SDK2: variants seen among roughly 807,000 people sequenced by gnomAD.
SDK2 encodes sidekick cell adhesion molecule 2.
In SDK2, 105 loss-of-function variants were observed where a neutral mutation model predicts 253.9. That is an observed-to-expected ratio of 0.41 (90% confidence interval 0.35 to 0.49). The LOEUF is 0.49. Among genes scored for constraint, SDK2 ranks in the 20% least tolerant of loss-of-function variants. The pLI is 0.06. For synonymous variants in SDK2, 1,249 were observed against 1,234.9 expected, an observed-to-expected ratio of 1.01 and a Z score of -0.24; for missense variants, 2,608 against 3,003.0, an observed-to-expected ratio of 0.87 and a Z score of 3.07.
intron 38 of SDK2, among the ~76,000 whole-genome samples, chr17:73,363,329 C>G (rs868372798): frequency 6.6e-6 from 1 of 152,208 alleles, no homozygotes; most frequent in Non-Finnish European, 1.5e-5. Context: ...CTCGGCCTCC[C>G]GAAGTGCTGG....
chr17:73,512,636 A>C (rs1459620120), intron 1 of SDK2, among the ~76,000 whole-genome samples: 1 of 152,198 alleles, frequency 6.6e-6, no homozygotes, highest in Non-Finnish European at 1.5e-5. Flanking sequence ...TCAAAACAAC[A>C]ACCATGAAAG....
intron 38 of SDK2, among the ~76,000 whole-genome samples, chr17:73,364,690 C>T (rs565025136): frequency 7.8e-4 from 119 of 152,230 alleles, no homozygotes; most frequent in Admixed American, 2.0e-3. Flanking sequence ...GGCGTGATCC[C>T]GGCTTACTGC....
intron 1 of SDK2, among the ~76,000 whole-genome samples, chr17:73,587,970 T>C (rs1419030208): frequency 6.6e-6 from 1 of 152,076 alleles, no homozygotes; most frequent in Non-Finnish European, 1.5e-5. Context: ...CACTTCACCA[T>C]CTCTAAAGCC....
At chr17:73,456,074 GT>G in intron 3 of SDK2, 21 bp from the exon 4 acceptor site, 1 of 1,465,528 alleles carries the variant, frequency 6.8e-7, no homozygotes, top group Non-Finnish European at 9.1e-7. Context: ...GACAACGGCA[GT>G]AGGATCAGGG....
chr17:73,447,739 C>T lies in SDK2; in HGVS notation c.489G>A (p.Thr163=), dbSNP rs370770032. 69 of 1,551,660 alleles carry T rather than the reference C, an allele frequency of 4.4e-5. No individual in the cohort carries two copies. Among genetic ancestry groups the T allele is most frequent in the South Asian group, 2.4e-4 (20 of 84,048 alleles). ...ACAGGATGACAAGGGTGTTCTCCAG[C>T]GTGATGGCTCTGGGAAGAGGAAAAG... is the stretch of plus-strand genomic sequence containing the variant. ...KIPPSSRIAI[T]LENTLVILST... is the part of the protein sequence containing the mutation. The change falls in exon 5 of 45, where the codon ACG becomes ACA. Residue 163 remains threonine (T), a synonymous_variant. Coordinates refer to ENST00000392650, the MANE Select transcript of SDK2 (RefSeq NM_001144952.2). This position sits in a 1 kb window ranked among gnomAD's most constrained non-coding sequence, Gnocchi z 4.0.
At position 73,387,939 on chromosome 17, in the gene SDK2, G is replaced by C; in HGVS notation, c.4291C>G (p.Pro1431Ala). 6.3e-7 allele frequency: 1 copy of C among 1,582,758 alleles called. No homozygotes were observed. Among genetic ancestry groups the C allele is most frequent in the Non-Finnish European group, 8.6e-7 (1 of 1,165,274 alleles). The change falls in exon 30 of 45, where the codon CCT becomes GCT. Residue 1431 changes from proline to alanine, a missense_variant. Coordinates refer to ENST00000392650, the MANE Select transcript of SDK2 (RefSeq NM_001144952.2). ...GTCTGGATGGTGTAGTAGCGCACAG[G>C]GGAGAGCCCGTCGCTCCCTGGCTCC... ...SWEPGSDGLS[P>A]VRYYTIQTRE...
At chr17:73,389,885 G>T (rs1485917034) in intron 29 of SDK2, among the ~76,000 whole-genome samples, 9 of 152,226 alleles carry the variant, frequency 5.9e-5, no homozygotes, top group African/African-American at 1.9e-4. Context: ...GAGTAGCTGG[G>T]ATTACAGGTG....
intron 1 of SDK2, among the ~76,000 whole-genome samples, chr17:73,512,913 A>G (rs887748064): frequency 6.6e-5 from 10 of 152,344 alleles, no homozygotes; most frequent in Admixed American, 6.5e-4. Context: ...GGATAAAAAA[A>G]TAAAGATGAA....
chr17:73,643,738 G>T lies in SDK2; in HGVS notation c.64+287C>A, dbSNP rs375050890. On this transcript the variant is annotated intron_variant, in intron 1 of 44. Transcript: ENST00000392650. This position sits in a 1 kb window ranked among gnomAD's most constrained non-coding sequence, Gnocchi z 6.9. ...CCGGCGCAGGGCAGCCACAGCAGAC[G>T]GGGGGAGGGGAGCGCCCCTCCCACT... Among the ~76,000 whole-genome samples, 15 of 152,140 alleles carry T rather than the reference G, an allele frequency of 9.9e-5. No individual in the cohort carries two copies. Among genetic ancestry groups the T allele is most frequent in the Admixed American group, 5.2e-4 (8 of 15,296 alleles).
Position 73,338,138 on chromosome 17 carries a change from CAG to C in SDK2, c.*447_*448del, listed in dbSNP as rs956216884. Reference sequence around the variant, plus strand: ...GCCTCCGGGATGCCCATTCTTTTTGCAGAGAGCAGCGGCAGTGGGTCCAGGGG... The same window carrying C: ...GCCTCCGGGATGCCCATTCTTTTTGCAGAGCAGCGGCAGTGGGTCCAGGGG... On this transcript the variant is annotated 3_prime_UTR_variant, in exon 45 of 45. Transcript: ENST00000392650. This position sits in a 1 kb window ranked among gnomAD's most constrained non-coding sequence, Gnocchi z 5.0. 1.5e-5 allele frequency: 4 copies of C among 267,478 alleles called. No homozygotes were observed. The highest frequency in any genetic ancestry group is 6.9e-5 in the African/African-American group (3 of 43,666). The allele number at this position is 267,478 out of a possible 1,614,324, so 16.6% of individuals were successfully genotyped here.
intron 32 of SDK2, among the ~76,000 whole-genome samples, chr17:73,384,545 C>T (rs2062857013): frequency 6.6e-6 from 1 of 152,236 alleles, no homozygotes; most frequent in South Asian, 2.1e-4. Context: ...CTCCCGTCTA[C>T]AGCTTAGCTG....
intron 18 of SDK2, among the ~76,000 whole-genome samples, chr17:73,412,001 CAT>C (rs1568389102): frequency 5.0e-5 from 5 of 100,542 alleles, no homozygotes; most frequent in Admixed American, 1.0e-4. Flanking sequence ...TATATACACA[CAT>C]ATATATGTAG....
At chr17:73,545,586 C>T (rs1477253495) in intron 1 of SDK2, among the ~76,000 whole-genome samples, 1 of 152,230 alleles carries the variant, frequency 6.6e-6, no homozygotes, top group Non-Finnish European at 1.5e-5. Context: ...TCCCCACCCA[C>T]CACTGCCTGG....
intron 1 of SDK2, among the ~76,000 whole-genome samples, chr17:73,552,803 A>G (rs1212855930): frequency 6.6e-6 from 1 of 151,966 alleles, no homozygotes; most frequent in Non-Finnish European, 1.5e-5. Context: ...CTTTGAACCA[A>G]CTCATTTGCA....
At chr17:73,551,032 C>A (rs1354308619) in intron 1 of SDK2, among the ~76,000 whole-genome samples, 1 of 152,128 alleles carries the variant, frequency 6.6e-6, no homozygotes, top group Non-Finnish European at 1.5e-5. Flanking sequence ...GACCGGGGAG[C>A]CTGGGAAGCC....
chr17:73,584,826 G>A (rs1234374794), intron 1 of SDK2, among the ~76,000 whole-genome samples: 1 of 152,222 alleles, frequency 6.6e-6, no homozygotes, highest in Non-Finnish European at 1.5e-5. Context: ...TGCCTCTCCT[G>A]CCACCACATC....
At chr17:73,509,627 CAA>C (rs111605845) in intron 1 of SDK2, among the ~76,000 whole-genome samples, 129 of 81,152 alleles carry the variant, frequency 1.6e-3, no homozygotes, top group Middle Eastern at 7.9e-3. Flanking sequence ...CCCTCTTCAC[CAA>C]AAAAAAAAAA....
chr17:73,597,732 G>A (rs998748445), intron 1 of SDK2, among the ~76,000 whole-genome samples: 10 of 150,696 alleles, frequency 6.6e-5, no homozygotes, highest in Non-Finnish European at 1.2e-4. Flanking sequence ...TGCAAGCTCC[G>A]CCTCCCGGGT....
intron 3 of SDK2, among the ~76,000 whole-genome samples, chr17:73,461,330 T>C (rs1371424904): frequency 6.6e-6 from 1 of 152,248 alleles, no homozygotes; most frequent in Non-Finnish European, 1.5e-5. Flanking sequence ...GAGCTTCCAG[T>C]CTGGTCAGGG....
Sources: allele counts gnomAD v4.1 joint callset (sites outside exome capture counted in the v4.1 genomes callset), GRCh38; gene constraint gnomAD v4.1.1; non-coding constraint Gnocchi (gnomAD v3.1); transcripts MANE v1.5; gene names NCBI Gene and HGNC (gene_info 2026-07-23, HGNC 2026-07-21).